The following XIST variants were observed in gnomAD, a reference collection of about 807,000 sequenced individuals.
XIST encodes X inactive specific transcript, also known as X inactive specific transcript (non-protein coding).
At chrX:73,843,971 A>AC in exon 1 of XIST, 1 of 558,745 alleles carries the variant, frequency 1.8e-6, no homozygotes, top group Non-Finnish European at 3.2e-6. Context: ...CTTGGAGGGA[A>AC]ACAGTATACC....
exon 1 of XIST, chrX:73,842,758 G>C (rs781019881): frequency 9.0e-6 from 5 of 558,649 alleles, no homozygotes; most frequent in Non-Finnish European, 1.6e-5. Context: ...AAGTCCAAGA[G>C]AAAGGGCCTT....
At chrX:73,848,072 C>A (rs1056096867) in exon 1 of XIST, 1 of 557,207 alleles carries the variant, frequency 1.8e-6, no homozygotes, top group Non-Finnish European at 3.2e-6. Context: ...GGGACAAATG[C>A]AAGTAGCACA....
exon 1 of XIST, chrX:73,846,800 C>T: frequency 1.8e-6 from 1 of 559,127 alleles, no homozygotes; most frequent in Non-Finnish European, 3.2e-6. Flanking sequence ...AGGAAGGATA[C>T]TGATGTAATT....
chrX:73,845,634 A>G, exon 1 of XIST: 1 of 556,506 alleles, frequency 1.8e-6, no homozygotes, highest in South Asian at 2.2e-5. Flanking sequence ...TGTACTGCAA[A>G]GGGCATCTGA....
intron 5 of XIST, chrX:73,828,083 CAG>C: frequency 2.3e-6 from 1 of 435,752 alleles, no homozygotes; most frequent in South Asian, 3.7e-5. Context: ...AAAAGCATCA[CAG>C]AAAGATAAAA....
chrX:73,847,319 A>G (rs1283781429), exon 1 of XIST: 1 of 535,387 alleles, frequency 1.9e-6, no homozygotes, highest in Admixed American at 2.4e-5. Context: ...TAAGCAGTAT[A>G]AGAGAAGAAG....
chrX:73,847,575 C>G (rs1444366619), exon 1 of XIST: 7 of 511,976 alleles, frequency 1.4e-5, no homozygotes, highest in Non-Finnish European at 2.1e-5. Flanking sequence ...ATCAGTACCC[C>G]CTTCTATGAT....
exon 6 of XIST, chrX:73,822,180 G>A: frequency 1.8e-6 from 1 of 558,566 alleles, no homozygotes; most frequent in Non-Finnish European, 3.2e-6. Flanking sequence ...CCCTCCTGCT[G>A]CCCAGCAGTG....
chrX:73,821,138 T>C, exon 6 of XIST: 3 of 557,590 alleles, frequency 5.4e-6, no homozygotes, highest in Non-Finnish European at 3.2e-6. Context: ...ATACCACACA[T>C]TGAAAGGTAA....
At chrX:73,848,109 T>C (rs754875826) in exon 1 of XIST, 29 of 556,906 alleles carry the variant, frequency 5.2e-5, no homozygotes, top group Middle Eastern at 3.1e-4. Context: ...AATGTCCTTG[T>C]GATTAGCACC....
exon 6 of XIST, chrX:73,822,301 G>A (rs1176754615): frequency 3.6e-6 from 2 of 557,537 alleles, no homozygotes; most frequent in South Asian, 2.2e-5. Context: ...CCTGCTTATC[G>A]TAGTGGCCAG....
At chrX:73,832,858 A>G (rs1922412408) in intron 3 of XIST, among the ~76,000 whole-genome samples, 1 of 110,822 alleles carries the variant, frequency 9.0e-6, no homozygotes, top group African/African-American at 3.3e-5. Context: ...AAGTATAGGA[A>G]TTGATGAAAA....
rs1922177090 is a variant in XIST, at chrX:73,823,496, AC to A, written n.16404del. ...TGCCCTCATCTCTCTTATCCTCAGG[AC>A]CCAGAATGGTATATTCCACATAAAA... On this transcript the variant is annotated non_coding_transcript_exon_variant, in exon 6 of 6. Transcript: ENST00000429829. 5 of 529,370 alleles carry A rather than the reference AC, an allele frequency of 9.4e-6. No individual in the cohort carries two copies. In the East Asian group the frequency reaches 1.7e-4, roughly 18 times the overall value. The allele number at this position is 529,370 out of a possible 1,213,427, so 43.6% of individuals were successfully genotyped here.
In XIST at chrX:73,843,061, T is replaced by G. The variant is rs1222211605; in HGVS notation, n.9663A>C. The stretch of plus-strand genomic sequence containing the variant: ...ATGGAATACTCCAATGCTTATACTT[T>G]ATTATGCCATGGGAAACTAAGGGTG... On this transcript the variant is annotated non_coding_transcript_exon_variant, in exon 1 of 6. Transcript: ENST00000429829. The G allele has an allele frequency of 5.4e-6, 3 of 556,582 alleles. No individual in the cohort carries two copies. In the African/African-American group the frequency reaches 6.7e-5, roughly 12 times the overall value. The allele number at this position is 556,582 out of a possible 1,213,427, so 45.9% of individuals were successfully genotyped here. A position where few individuals can be genotyped will look rare whatever the true frequency, so the allele number is the denominator to read the frequency against.
chrX:73,829,978 C>T (rs1383946871), intron 4 of XIST, among the ~76,000 whole-genome samples: 1 of 110,414 alleles, frequency 9.1e-6, no homozygotes, highest in Non-Finnish European at 1.9e-5. Flanking sequence ...CTTTAAGTCT[C>T]CTGGCTCAGG....
At chrX:73,824,660 A>G (rs772853284) in exon 6 of XIST, 3 of 555,856 alleles carry the variant, frequency 5.4e-6, no homozygotes, top group Middle Eastern at 3.1e-4. Context: ...AGAAAGCATC[A>G]AATTTTTCAT....
chrX:73,826,259 C>A (rs373523435), exon 6 of XIST: 3 of 557,228 alleles, frequency 5.4e-6, no homozygotes, highest in African/African-American at 4.5e-5. Flanking sequence ...TTTTCCCCAA[C>A]AACCTGACCA....
intron 5 of XIST, chrX:73,829,011 C>A (rs1007329834): frequency 1.8e-5 from 9 of 493,469 alleles, no homozygotes; most frequent in Admixed American, 1.0e-4. Flanking sequence ...TCCCAAAAAA[C>A]AGCTGTTATA....
intron 2 of XIST, among the ~76,000 whole-genome samples, chrX:73,835,539 A>G (rs1922467877): frequency 8.9e-6 from 1 of 112,227 alleles, no homozygotes; most frequent in Non-Finnish European, 1.9e-5. Flanking sequence ...ATTAACTACT[A>G]ATTTGTACAT....
Sources: allele counts gnomAD v4.1 joint callset (sites outside exome capture counted in the v4.1 genomes callset), GRCh38; gene constraint gnomAD v4.1.1; transcripts MANE v1.5; gene names NCBI Gene and HGNC (gene_info 2026-07-23, HGNC 2026-07-21).